DPF3: variants seen among roughly 807,000 people sequenced by gnomAD.
The protein encoded by DPF3 is zinc finger protein DPF3.
A neutral mutation model predicts 56.8 loss-of-function variants in DPF3; 18 were observed. The ratio of observed to expected loss-of-function variants is 0.32; its 90% CI spans 0.22 to 0.47. The LOEUF (loss-of-function observed/expected upper bound fraction) is 0.47, where lower values mean the gene tolerates loss of function less well. Among genes scored for constraint, DPF3 ranks in the 20% least tolerant of loss-of-function variants. The probability of loss-of-function intolerance (pLI) is 1.00; values close to 1 mark genes in which losing one functional copy is unlikely to be tolerated. For synonymous variants in DPF3, 188 were observed against 180.2 expected (o/e 1.04, Z -0.35); for missense variants, 403 against 488.8 (o/e 0.82, Z 1.65).
At chr14:72,886,481 G>A (rs1240531725) in intron 1 of DPF3, among the ~76,000 whole-genome samples, 15 of 152,154 alleles carry the variant, frequency 9.9e-5, no homozygotes, top group Admixed American at 9.8e-4. Flanking sequence ...AACATAGCAA[G>A]ACCTCCATCT....
intron 9 of DPF3, among the ~76,000 whole-genome samples, chr14:72,620,287 AT>A (rs1472433086): frequency 6.6e-6 from 1 of 152,226 alleles, no homozygotes; most frequent in Non-Finnish European, 1.5e-5. Context: ...GGGATCCCTT[AT>A]TCTTCTGAAC....
intron 1 of DPF3, among the ~76,000 whole-genome samples, chr14:72,876,591 C>G (rs1489776984): frequency 4.6e-5 from 7 of 152,226 alleles, no homozygotes; most frequent in African/African-American, 1.7e-4. Flanking sequence ...TCCATGCAGT[C>G]CTTCCCATCT....
chr14:72,836,306 G>A, intron 1 of DPF3: 14 of 985,604 alleles, frequency 1.4e-5, no homozygotes, highest in Non-Finnish European at 1.6e-5. Flanking sequence ...AAACTCCCAG[G>A]GCAACCCTGG....
chr14:72,889,409 G>T lies in DPF3; in HGVS notation c.32+4648C>A, dbSNP rs550830829. ...GCAACCAGAAGCAGATGGAGAACAGGTTCTTGGGAATCTGTTGGCTTACAA... is the reference window on the plus strand; with the variant it reads ...GCAACCAGAAGCAGATGGAGAACAGTTTCTTGGGAATCTGTTGGCTTACAA... On this transcript the variant is annotated intron_variant, in intron 1 of 10. Coordinates refer to ENST00000556509, the MANE Select transcript of DPF3 (RefSeq NM_001280542.3). Among the ~76,000 whole-genome samples the T allele has an allele frequency of 2.0e-5, 3 of 152,306 alleles. No homozygotes were observed. The South Asian group carries it at 6.2e-4, about 32-fold the overall frequency.
intron 8 of DPF3, among the ~76,000 whole-genome samples, chr14:72,634,684 G>A (rs1422152718): frequency 3.4e-5 from 5 of 147,876 alleles, no homozygotes. Context: ...TGCAGTTGTT[G>A]CCATTAATGG....
In DPF3 at chr14:72,618,057, C is replaced by A. The variant is rs990696488; in HGVS notation, c.*1240G>T. On this transcript the variant is annotated 3_prime_UTR_variant, in exon 11 of 11. Transcript: ENST00000556509. ...CCTCCCCACCTCTTTCTTCTAGACA[C>A]ATTTTTTTTTGAAAACAAGAGTCCT... 4.5e-5 allele frequency among the ~76,000 whole-genome samples: 5 copies of A among 111,552 alleles called. No individual in the cohort carries two copies. Among genetic ancestry groups the A allele is most frequent in the Non-Finnish European group, 7.6e-5 (4 of 52,600 alleles). 73.2% of individuals were successfully genotyped at this position (111,552 alleles called of 152,430 possible).
At chr14:72,646,768 T>C (rs1311244123) in intron 8 of DPF3, among the ~76,000 whole-genome samples, 2 of 152,140 alleles carry the variant, frequency 1.3e-5, no homozygotes, top group Non-Finnish European at 2.9e-5. Context: ...TCTTCTCATT[T>C]CTCCAAGCCA....
chr14:72,720,202 T>C (rs552557814), intron 5 of DPF3, among the ~76,000 whole-genome samples: 3 of 152,060 alleles, frequency 2.0e-5, no homozygotes, highest in Non-Finnish European at 2.9e-5. Context: ...CTTTAAATGG[T>C]GGGCAATGAG....
chr14:72,624,672 C>T (rs1884713317), intron 9 of DPF3, among the ~76,000 whole-genome samples: 1 of 152,178 alleles, frequency 6.6e-6, no homozygotes, highest in African/African-American at 2.4e-5. Context: ...GGATCCAATC[C>T]AAGATCCCTC....
chr14:72,892,319 G>A (rs1028987388), intron 1 of DPF3: 208 of 1,535,332 alleles, frequency 1.4e-4, no homozygotes, highest in Non-Finnish European at 1.8e-4. Flanking sequence ...GCGAAGTTAC[G>A]CCCATTTATT....
At chr14:72,760,269 G>A (rs986586720) in intron 2 of DPF3, among the ~76,000 whole-genome samples, 4 of 152,256 alleles carry the variant, frequency 2.6e-5, no homozygotes, top group Middle Eastern at 3.4e-3. Context: ...TCGGGAGTTC[G>A]AGAACCGCCT....
At chr14:72,839,456 G>T (rs1884457184) in intron 1 of DPF3, among the ~76,000 whole-genome samples, 1 of 152,168 alleles carries the variant, frequency 6.6e-6, no homozygotes, top group African/African-American at 2.4e-5. Flanking sequence ...TCCGTGATTA[G>T]CGGGGCTGGG....
At chr14:72,773,191 G>A (rs1404209111) in intron 1 of DPF3, among the ~76,000 whole-genome samples, 2 of 150,122 alleles carry the variant, frequency 1.3e-5, no homozygotes, top group African/African-American at 2.5e-5. Context: ...GGAGTGCAAC[G>A]GTGCGATCTC....
At chr14:72,792,331 T>C (rs1247364950) in intron 1 of DPF3, among the ~76,000 whole-genome samples, 1 of 152,166 alleles carries the variant, frequency 6.6e-6, no homozygotes, top group African/African-American at 2.4e-5. Flanking sequence ...AAGTCCTTTC[T>C]GCAGCCAAAA....
chr14:72,699,956 G>A (rs1000348702), intron 6 of DPF3, among the ~76,000 whole-genome samples: 3 of 152,286 alleles, frequency 2.0e-5, no homozygotes, highest in East Asian at 3.9e-4. Context: ...GAAAGAGGGA[G>A]GTTGGTGGGT....
chr14:72,874,372 G>C (rs540501780), intron 1 of DPF3, among the ~76,000 whole-genome samples: 1 of 151,558 alleles, frequency 6.6e-6, no homozygotes, highest in Non-Finnish European at 1.5e-5. Flanking sequence ...CCAGCTACTC[G>C]AAAGGCTAAG....
chr14:72,849,482 G>C (rs1884887281), intron 1 of DPF3, among the ~76,000 whole-genome samples: 1 of 152,124 alleles, frequency 6.6e-6, no homozygotes, highest in Non-Finnish European at 1.5e-5. Flanking sequence ...GCATCCCCCG[G>C]GGCCGCCTTC....
At chr14:72,680,114 G>A (rs1204086690) in intron 7 of DPF3, among the ~76,000 whole-genome samples, 1 of 152,214 alleles carries the variant, frequency 6.6e-6, no homozygotes, top group South Asian at 2.1e-4. Flanking sequence ...GTTAAAAGTG[G>A]CGTGATAGAG....
chr14:72,804,180 GACAC>G (rs545355128), intron 1 of DPF3, among the ~76,000 whole-genome samples: 6,202 of 133,128 alleles, frequency 0.047, 299 homozygotes, highest in African/African-American at 0.13. Flanking sequence ...TGCTTTCCAG[GACAC>G]ACACACACAC....
Sources: gnomAD v4.1 joint callset for allele counts (sites outside exome capture counted in the v4.1 genomes callset) on GRCh38, gnomAD v4.1.1 for gene constraint, MANE v1.5 for transcripts, NCBI Gene and HGNC (gene_info 2026-07-23, HGNC 2026-07-21) for gene names.